The following CPXM2 variants were observed in gnomAD, a reference collection of about 807,000 sequenced individuals.
CPXM2 encodes the protein carboxypeptidase X, M14 family member 2, also known as inactive carboxypeptidase-like protein X2.
Under a neutral mutation model 86.1 loss-of-function variants are expected in CPXM2, and 66 were observed. The observed-to-expected ratio is 0.77, with a 90% CI of 0.63 to 0.94. The LOEUF (loss-of-function observed/expected upper bound fraction) is 0.94, where lower values mean the gene tolerates loss of function less well. Among genes scored for constraint, CPXM2 ranks in the 40% least tolerant of loss-of-function variants. The pLI is 0.00. For synonymous variants in CPXM2, 388 were observed against 400.2 expected (o/e 0.97, Z 0.36); for missense variants, 948 against 1,026.3 (o/e 0.92, Z 1.04).
rs74369026 is a variant in CPXM2 at position 123,841,451 on chromosome 10, A to G, written c.653+898T>C. 9.7e-3 allele frequency among the ~76,000 whole-genome samples: 1,472 copies of G among 152,294 alleles called. 16 individuals carry two copies. Among genetic ancestry groups the G allele is most frequent in the African/African-American group, 0.032 (1,313 of 41,558 alleles). The stretch of plus-strand genomic sequence containing the variant: ...CATTCACATTGATTTGCAACCATCT[A>G]TCTCCAGAACTTTTCATCAAGCTAT... On this transcript the variant is annotated intron_variant, in intron 4 of 13. Coordinates refer to ENST00000241305, the MANE Select transcript of CPXM2 (RefSeq NM_198148.3).
intron 1 of CPXM2, among the ~76,000 whole-genome samples, chr10:123,887,914 G>T (rs374914366): frequency 6.6e-6 from 1 of 152,280 alleles, no homozygotes; most frequent in East Asian, 1.9e-4. Context: ...TGTTTTTAAA[G>T]ATTCCATTCT....
At chr10:123,894,968 C>T (rs560669204), upstream of CPXM2, among the ~76,000 whole-genome samples, 10 of 152,224 alleles carry the variant, frequency 6.6e-5, no homozygotes, top group South Asian at 2.1e-3. Context: ...CAACCTTGCT[C>T]CCCGACCGAA....
intron 1 of CPXM2, among the ~76,000 whole-genome samples, chr10:123,889,507 C>A (rs776213035): frequency 6.6e-5 from 10 of 152,162 alleles, no homozygotes; most frequent in Admixed American, 2.0e-4. Context: ...GTCTTGCTCT[C>A]CCCATTCCTA....
At chr10:123,752,510 T>G (rs900316226) in intron 13 of CPXM2, 2 of 985,298 alleles carry the variant, frequency 2.0e-6, no homozygotes, top group Non-Finnish European at 2.4e-6. Flanking sequence ...GGCCCACTGC[T>G]AGGGAGCCTG....
At chr10:123,880,145 T>TGGGGGGGCCCCCCCCCCCCCCC in intron 2 of CPXM2, 66 bp downstream of exon 2, 1 of 407,580 alleles carries the variant, frequency 2.5e-6, no homozygotes, top group Non-Finnish European at 4.8e-6. Context: ...CAGGGGCCTG[T>TGGGGGGGCCCCCCCCCCCCCCC]ACCCACCCAC....
chr10:123,785,880 G>A (rs1023365614), intron 6 of CPXM2, among the ~76,000 whole-genome samples: 8 of 152,170 alleles, frequency 5.3e-5, no homozygotes, highest in African/African-American at 1.2e-4. Context: ...TGATCTGCCC[G>A]CCTCAGCCTC....
At chr10:123,753,058 G>C (rs889212809) in intron 13 of CPXM2, among the ~76,000 whole-genome samples, 20 of 152,154 alleles carry the variant, frequency 1.3e-4, no homozygotes, top group Non-Finnish European at 2.4e-4. Context: ...TGCTCATAGG[G>C]GTCAGGGTTG....
At chr10:123,829,726 T>C (rs1564788364) in intron 4 of CPXM2, among the ~76,000 whole-genome samples, 1 of 152,020 alleles carries the variant, frequency 6.6e-6, no homozygotes, top group Non-Finnish European at 1.5e-5. Context: ...TCTGAAAAGA[T>C]TAATAAGGAG....
chr10:123,890,379 C>A (rs1307339736), intron 1 of CPXM2, among the ~76,000 whole-genome samples: 1 of 152,208 alleles, frequency 6.6e-6, no homozygotes, highest in Non-Finnish European at 1.5e-5. Context: ...GTGTCCTCAC[C>A]CCTCCTCCAC....
intron 2 of CPXM2, among the ~76,000 whole-genome samples, chr10:123,874,863 C>A (rs941774883): frequency 6.6e-6 from 1 of 152,182 alleles, no homozygotes; most frequent in Admixed American, 6.5e-5. Flanking sequence ...GGTTAAGTGG[C>A]TGATACAAAT....
At chr10:123,854,794 G>C (rs1411112373) in intron 3 of CPXM2, among the ~76,000 whole-genome samples, 1 of 151,888 alleles carries the variant, frequency 6.6e-6, no homozygotes, top group Admixed American at 6.6e-5. Context: ...ACGTCTCCCA[G>C]CAATCAGGTG....
At chr10:123,888,198 A>G (rs1178976780) in intron 1 of CPXM2, among the ~76,000 whole-genome samples, 1 of 152,220 alleles carries the variant, frequency 6.6e-6, no homozygotes, top group Non-Finnish European at 1.5e-5. Context: ...ACCACATAGA[A>G]AATCTGCCTG....
rs1216520438 is a variant in CPXM2 at position 123,860,985 on chromosome 10, T to A, written c.513+1629A>T. ...TTAAGCAGTTCGAAAGTCTGTTTGA[T>A]GCGGTGCAGTCTGAGGGGTGGGGTG... On this transcript the variant is annotated intron_variant, in intron 3 of 13. Transcript: ENST00000241305. 7.2e-5 allele frequency among the ~76,000 whole-genome samples: 11 copies of A among 152,330 alleles called. No individual in the cohort carries two copies. The South Asian group carries it at 1.7e-3, about 23-fold the overall frequency.
intron 7 of CPXM2, among the ~76,000 whole-genome samples, chr10:123,776,426 A>G (rs775414095): frequency 1.3e-5 from 2 of 152,248 alleles, no homozygotes; most frequent in African/African-American, 4.8e-5. Context: ...ACTGAAGGAT[A>G]TAGAATCTAG....
intron 4 of CPXM2, among the ~76,000 whole-genome samples, chr10:123,820,023 C>T (rs1360788599): frequency 3.9e-5 from 6 of 152,158 alleles, no homozygotes; most frequent in African/African-American, 2.4e-5. Context: ...CCTAGCCTCC[C>T]AGCCTACATC....
intron 3 of CPXM2, among the ~76,000 whole-genome samples, chr10:123,856,963 C>G (rs568741685): frequency 1.3e-5 from 2 of 152,056 alleles, no homozygotes; most frequent in Non-Finnish European, 2.9e-5. Flanking sequence ...CCAATCTGTC[C>G]GTAGTTGCTC....
chr10:123,862,512 A>G lies in CPXM2; in HGVS notation c.513+102T>C, dbSNP rs1590077652. 17 of 974,956 alleles carry G rather than the reference A, an allele frequency of 1.7e-5. 1 individual carries two copies. The East Asian group carries it at 3.8e-4, about 22-fold the overall frequency. The allele number at this position is 974,956 out of a possible 1,614,324, so 60.4% of individuals were successfully genotyped here. Reference sequence around the variant, plus strand: ...ATATCCTTTCTTACTGTGAGCATCCAGGCTAATGCATTTTAAATCCTGCGC... The same window carrying G: ...ATATCCTTTCTTACTGTGAGCATCCGGGCTAATGCATTTTAAATCCTGCGC... On this transcript the variant is annotated intron_variant, in intron 3 of 13. Transcript: ENST00000241305.
At chr10:123,811,285 C>T (rs1050246751) in intron 4 of CPXM2, among the ~76,000 whole-genome samples, 1 of 152,040 alleles carries the variant, frequency 6.6e-6, no homozygotes, top group African/African-American at 2.4e-5. Context: ...TCTCCTAATG[C>T]TATCCCTCCC....
chr10:123,773,074 A>ATCACCTCCCTGG (rs1846687370), intron 7 of CPXM2, among the ~76,000 whole-genome samples: 1 of 128,018 alleles, frequency 7.8e-6, no homozygotes, highest in African/African-American at 3.1e-5. Context: ...CACTTCCCTG[A>ATCACCTCCCTGG]TTGTGGTTAT....
Sources: allele counts gnomAD v4.1 joint callset (sites outside exome capture counted in the v4.1 genomes callset), GRCh38; gene constraint gnomAD v4.1.1; transcripts MANE v1.5; gene names NCBI Gene and HGNC (gene_info 2026-07-23, HGNC 2026-07-21).